ESR1: variants seen among roughly 807,000 people sequenced by gnomAD.
ESR1 encodes estrogen receptor 1, also known as estrogen receptor.
ESR1 carries 12 observed loss-of-function variants against 52.7 expected under a neutral mutation model. The observed-to-expected ratio is 0.23, with a 90% CI of 0.15 to 0.37. ESR1 has a LOEUF of 0.37. Ranked by LOEUF, ESR1 falls within the 10% of genes least tolerant of loss-of-function variation. ESR1 has a pLI of 1.00. For synonymous variants in ESR1, 305 were observed against 316.8 expected (o/e 0.96, Z 0.39); for missense variants, 584 against 779.7 (o/e 0.75, Z 2.99).
intron 3 of ESR1, among the ~76,000 whole-genome samples, chr6:151,904,062 A>G (rs1302395976): frequency 6.6e-6 from 1 of 152,214 alleles, no homozygotes; most frequent in East Asian, 1.9e-4. Flanking sequence ...ATATAAGTCT[A>G]TTATTCAGGT....
chr6:151,914,256 T>TA lies in ESR1; in HGVS notation c.761-29906dup, dbSNP rs34984292. 1.0e-3 allele frequency among the ~76,000 whole-genome samples: 155 copies of TA among 148,538 alleles called. 1 individual carries two copies. The highest frequency in any genetic ancestry group is 2.7e-3 in the African/African-American group (108 of 40,316). On this transcript the variant is annotated intron_variant, in intron 3 of 7. Coordinates refer to ENST00000206249, the MANE Select transcript of ESR1 (RefSeq NM_000125.4). ...TTTGTACTTGTGTCTACTTTTTCAT[T>TA]AAAAAAAAAAAGGCTTCGGTCTTAT... is the stretch of plus-strand genomic sequence containing the variant.
At chr6:151,756,284 G>T (rs1784279428) in intron 2 of ESR1, among the ~76,000 whole-genome samples, 1 of 151,808 alleles carries the variant, frequency 6.6e-6, no homozygotes, top group Non-Finnish European at 1.5e-5. Context: ...GTATTACTCT[G>T]TCACTTAGGC....
Position 152,094,279 on chromosome 6 carries a change from G to A in ESR1, c.1370-106G>A. Reference sequence around the variant, plus strand: ...AGCATCCCCATTGCTAGACTACTGTGCTGAGGAAGGGCACTGGCTCATTGT... The same window carrying A: ...AGCATCCCCATTGCTAGACTACTGTACTGAGGAAGGGCACTGGCTCATTGT... On this transcript the variant is annotated intron_variant, in intron 6 of 7. Transcript: ENST00000206249. This position sits in a 1 kb window ranked among gnomAD's most constrained non-coding sequence, Gnocchi z 4.6. 2.1e-6 allele frequency: 2 copies of A among 942,502 alleles called. No individual in the cohort carries two copies. The highest frequency in any genetic ancestry group is 3.5e-6 in the Non-Finnish European group (2 of 570,630). The allele number at this position is 942,502 out of a possible 1,614,324, so 58.4% of individuals were successfully genotyped here.
At chr6:151,831,798 T>A (rs983171739) in intron 1 of ESR1, among the ~76,000 whole-genome samples, 1 of 152,206 alleles carries the variant, frequency 6.6e-6, no homozygotes, top group African/African-American at 2.4e-5. Flanking sequence ...GCCACAACCA[T>A]CAATTTAGTG....
intron 2 of ESR1, among the ~76,000 whole-genome samples, chr6:151,868,229 G>A (rs1583816631): frequency 6.6e-6 from 1 of 152,208 alleles, no homozygotes; most frequent in South Asian, 2.1e-4. Flanking sequence ...CCAGATTCCA[G>A]CAATTCTCCT....
At chr6:151,877,228 A>G (rs570482697) in intron 2 of ESR1, among the ~76,000 whole-genome samples, 1 of 152,118 alleles carries the variant, frequency 6.6e-6, no homozygotes, top group East Asian at 1.9e-4. Flanking sequence ...GTCATCTAGC[A>G]TTAGGTATAT....
At chr6:151,887,439 G>C (rs1302932939) in intron 3 of ESR1, among the ~76,000 whole-genome samples, 1 of 151,956 alleles carries the variant, frequency 6.6e-6, no homozygotes, top group East Asian at 1.9e-4. Flanking sequence ...GGACCTTAAA[G>C]ACTAATGAAT....
At chr6:151,849,697 G>A (rs1785932715) in intron 2 of ESR1, among the ~76,000 whole-genome samples, 2 of 151,594 alleles carry the variant, frequency 1.3e-5, no homozygotes, top group Admixed American at 6.6e-5. Context: ...TCTCTGAGAA[G>A]GAAGAAATGT....
Position 152,098,538 on chromosome 6 carries a change from A to G in ESR1, c.1554-194A>G, listed in dbSNP as rs1299474209. Among the ~76,000 whole-genome samples, 1 of 152,082 alleles carries G rather than the reference A, an allele frequency of 6.6e-6. No homozygotes were observed. Among genetic ancestry groups the G allele is most frequent in the Non-Finnish European group, 1.5e-5 (1 of 67,992 alleles). On this transcript the variant is annotated intron_variant, in intron 7 of 7. Coordinates refer to ENST00000206249, the MANE Select transcript of ESR1 (RefSeq NM_000125.4). This position sits in a 1 kb window ranked among gnomAD's most constrained non-coding sequence, Gnocchi z 5.1. The stretch of plus-strand genomic sequence containing the variant: ...GGTGGAAAATGAAAAACACACGGCC[A>G]TGAGTTCCAGATTAGGGCTTCTGAA...
chr6:151,785,819 T>A (rs1219715863), intron 2 of ESR1, among the ~76,000 whole-genome samples: 1 of 152,094 alleles, frequency 6.6e-6, no homozygotes, highest in East Asian at 1.9e-4. Context: ...AGCAATGAGA[T>A]TTGTCAGGAA....
At chr6:152,065,299 A>T (rs892595134) in intron 6 of ESR1, among the ~76,000 whole-genome samples, 3 of 152,158 alleles carry the variant, frequency 2.0e-5, no homozygotes, top group Admixed American at 1.3e-4. Flanking sequence ...AGAGACCCTG[A>T]TGAAAACTCT....
intron 4 of ESR1, among the ~76,000 whole-genome samples, chr6:151,993,568 C>G (rs74487803): frequency 0.021 from 3,224 of 152,304 alleles, 99 homozygotes; most frequent in East Asian, 0.12. Context: ...AGCTCCAGCT[C>G]TGGCTCCTTG....
exon 7 of ESR1, chr6:152,128,939 T>C (rs1269611308): frequency 6.6e-6 from 1 of 152,222 alleles, no homozygotes; most frequent in Non-Finnish European, 1.5e-5. Context: ...TGTGAAGGTG[T>C]TGGATGACGT....
intron 6 of ESR1, among the ~76,000 whole-genome samples, chr6:152,086,331 G>C (rs1029015916): frequency 6.7e-6 from 1 of 150,282 alleles, no homozygotes; most frequent in Admixed American, 6.6e-5. Flanking sequence ...AAGCTATTAG[G>C]CTATAATATT....
At chr6:151,828,881 G>A (rs1005291001) in intron 1 of ESR1, among the ~76,000 whole-genome samples, 2 of 152,338 alleles carry the variant, frequency 1.3e-5, no homozygotes, top group African/African-American at 4.8e-5. Context: ...AAGTAAGCAA[G>A]ACTGTTTTCC....
At chr6:151,738,316 T>C in intron 2 of ESR1, among the ~76,000 whole-genome samples, 1 of 152,224 alleles carries the variant, frequency 6.6e-6, no homozygotes. Context: ...ATAGTGCTAG[T>C]ATGAACATGG....
At chr6:151,754,230 A>C (rs1164289102) in intron 2 of ESR1, among the ~76,000 whole-genome samples, 2 of 152,220 alleles carry the variant, frequency 1.3e-5, no homozygotes, top group Non-Finnish European at 2.9e-5. Flanking sequence ...AAGTTTAGAA[A>C]AGTGAAAAAT....
rs145720843 is a variant in ESR1 at position 152,017,427 on chromosome 6, A to G, written c.1235+5633A>G. On this transcript the variant is annotated intron_variant, in intron 5 of 7. Transcript: ENST00000206249. ...CTGTGAAAACCAAGAAATAAAGGTT[A>G]TTATAAGGTATAAATAAAGAACCCA... Among the ~76,000 whole-genome samples, 29 of 152,292 alleles carry G rather than the reference A, an allele frequency of 1.9e-4. No individual in the cohort carries two copies. In the East Asian group the frequency reaches 4.1e-3, roughly 21 times the overall value.
intron 1 of ESR1, among the ~76,000 whole-genome samples, chr6:151,670,762 G>GTTTTTTTTT (rs35606990): frequency 2.3e-5 from 2 of 85,782 alleles, no homozygotes; most frequent in African/African-American, 4.9e-5. Flanking sequence ...TTTTGTTTTC[G>GTTTTTTTTT]TTTTTTTTTT....
Sources: gnomAD v4.1 joint callset for allele counts (sites outside exome capture counted in the v4.1 genomes callset) on GRCh38, gnomAD v4.1.1 for gene constraint, Gnocchi (gnomAD v3.1) non-coding constraint, MANE v1.5 for transcripts, NCBI Gene and HGNC (gene_info 2026-07-23, HGNC 2026-07-21) for gene names.